Variants in ICMT observed in about 807,000 individuals in gnomAD.
ICMT encodes protein-S-isoprenylcysteine O-methyltransferase.
In ICMT, 10 loss-of-function variants were observed where a neutral mutation model predicts 32.2. That is an observed-to-expected ratio of 0.31 (90% CI 0.19 to 0.53). The LOEUF is 0.53. Among genes scored for constraint, ICMT ranks in the 20% least tolerant of loss-of-function variants. ICMT has a pLI of 0.96. For missense variants in ICMT, 265 were observed against 356.9 expected (o/e 0.74, Z 2.07); for synonymous variants, 183 against 158.2 (o/e 1.16, Z -1.18).
chr1:6,222,462 C>G lies in ICMT; in HGVS notation c.*2618G>C, dbSNP rs1668571172. 6.6e-6 allele frequency: 1 copy of G among 152,174 alleles called. No homozygotes were observed. The highest frequency in any genetic ancestry group is 2.1e-4 in the South Asian group (1 of 4,826). The allele number at this position is 152,174 out of a possible 1,614,324, so 9.4% of individuals were successfully genotyped here. ...AAAAAAATGGAGTTCATCTTTTATC[C>G]CTAAGTAATTGCTGACTTCTGCTCT... On this transcript the variant is annotated 3_prime_UTR_variant, in exon 5 of 5. Transcript: ENST00000343813.
intron 4 of ICMT, among the ~76,000 whole-genome samples, chr1:6,230,609 G>A (rs1668719206): frequency 8.6e-6 from 1 of 115,762 alleles, no homozygotes; most frequent in Non-Finnish European, 1.9e-5. Context: ...AAAAAAAAAA[G>A]CTGGGCACGG....
Position 6,225,000 on chromosome 1 carries a change from G to A in ICMT, c.*80C>T. The A allele has an allele frequency of 1.7e-6, 2 of 1,200,552 alleles. No homozygotes were observed. The highest frequency in any genetic ancestry group is 2.4e-6 in the Non-Finnish European group (2 of 843,728). The allele number at this position is 1,200,552 out of a possible 1,614,324, so 74.4% of individuals were successfully genotyped here. Reference sequence around the variant, plus strand: ...ACATAAAACGATTAAGAAAATCCATGTGGCAGCGGCCAACCGGAAACAGTT... The same window carrying A: ...ACATAAAACGATTAAGAAAATCCATATGGCAGCGGCCAACCGGAAACAGTT... On this transcript the variant is annotated 3_prime_UTR_variant, in exon 5 of 5. Transcript: ENST00000343813.
chr1:6,234,360 A>G (rs1668783160), intron 2 of ICMT: 1 of 414,318 alleles, frequency 2.4e-6, no homozygotes, highest in East Asian at 7.1e-5. Context: ...GCAAAGAAGG[A>G]TTAGATGGCT....
rs1401057633 is a variant in ICMT at position 6,234,992 on chromosome 1, G to A, written c.196-18C>T. 28 of 1,605,244 alleles carry A rather than the reference G, an allele frequency of 1.7e-5. 1 individual carries two copies. The highest frequency in any genetic ancestry group is 2.2e-5 in the South Asian group (2 of 90,918). On this transcript the variant is annotated intron_variant, in intron 1 of 4. Coordinates refer to ENST00000343813, the MANE Select transcript of ICMT (RefSeq NM_012405.4). ...ATGGCTATCTGAAAGGAACCCAAGA[G>A]AAGCTCAGTCATTCACAGTCCTCAG... is the stretch of plus-strand genomic sequence containing the variant.
chr1:6,229,266 G>T (rs574938894), intron 4 of ICMT, among the ~76,000 whole-genome samples: 7 of 152,144 alleles, frequency 4.6e-5, no homozygotes, highest in Non-Finnish European at 1.0e-4. Context: ...ATCACCTGAG[G>T]TTGGGAGTTC....
At chr1:6,227,690 C>T (rs1668665650) in intron 4 of ICMT, among the ~76,000 whole-genome samples, 1 of 152,100 alleles carries the variant, frequency 6.6e-6, no homozygotes, top group South Asian at 2.1e-4. Context: ...CCCGTCTCTA[C>T]TAAAAATACA....
intron 1 of ICMT, among the ~76,000 whole-genome samples, chr1:6,235,383 C>G (rs1668805968): frequency 6.6e-6 from 1 of 152,204 alleles, no homozygotes. Flanking sequence ...GCCTGTGCGC[C>G]CAGCCCCACC....
chr1:6,221,195 G>A lies in ICMT; in HGVS notation c.*3885C>T, dbSNP rs1365119982. On this transcript the variant is annotated 3_prime_UTR_variant, in exon 5 of 5. Transcript: ENST00000343813. The stretch of plus-strand genomic sequence containing the variant: ...CATCCCAGACAATCACACTGTGGTT[G>A]AGTGAAATCAAGTGCAGTTTTATTT... The A allele has an allele frequency of 6.6e-6, 1 of 152,602 alleles. No homozygotes were observed. Among genetic ancestry groups the A allele is most frequent in the Non-Finnish European group, 1.5e-5 (1 of 68,058 alleles). 9.5% of individuals were successfully genotyped at this position (152,602 alleles called of 1,614,324 possible).
intron 4 of ICMT, among the ~76,000 whole-genome samples, chr1:6,231,176 A>T (rs1668730214): frequency 6.6e-6 from 1 of 151,714 alleles, no homozygotes; most frequent in Non-Finnish European, 1.5e-5. Flanking sequence ...GTCTCAAAAA[A>T]AAAAAAGAAA....
chr1:6,227,278 A>G (rs1337399461), intron 4 of ICMT, among the ~76,000 whole-genome samples: 3 of 152,256 alleles, frequency 2.0e-5, no homozygotes, highest in African/African-American at 7.2e-5. Flanking sequence ...TTATTCAGTC[A>G]TAACTAATTT....
In ICMT at chr1:6,226,286, C is replaced by T. The variant is rs1571223365; in HGVS notation, c.673-1024G>A. Among the ~76,000 whole-genome samples, 8 of 152,232 alleles carry T rather than the reference C, an allele frequency of 5.3e-5. No individual in the cohort carries two copies. In the South Asian group the frequency reaches 1.7e-3, roughly 32 times the overall value. ...TGGTGGGAGCCTGTAATCCCAGCTA[C>T]TTGGGAGGCTGAGGCAGGAGAATTG... On this transcript the variant is annotated intron_variant, in intron 4 of 4. Transcript: ENST00000343813.
Position 6,223,903 on chromosome 1 carries a change from G to A in ICMT, c.*1177C>T, listed in dbSNP as rs181823438. Reference sequence around the variant, plus strand: ...CTGTCTAGTCCAGAATGAAGCCAGCGTCTCACCTCTTAAAGCTTCGATGTG... The same window carrying A: ...CTGTCTAGTCCAGAATGAAGCCAGCATCTCACCTCTTAAAGCTTCGATGTG... On this transcript the variant is annotated 3_prime_UTR_variant, in exon 5 of 5. Coordinates refer to ENST00000343813, the MANE Select transcript of ICMT (RefSeq NM_012405.4). 8 of 152,342 alleles carry A rather than the reference G, an allele frequency of 5.3e-5. No homozygotes were observed. Among genetic ancestry groups the A allele is most frequent in the South Asian group, 2.1e-4 (1 of 4,826 alleles). 9.4% of individuals were successfully genotyped at this position (152,342 alleles called of 1,614,324 possible). A position where few individuals can be genotyped will look rare whatever the true frequency, so the allele number is the denominator to read the frequency against.
In ICMT at chr1:6,223,173, T is replaced by A. The variant is rs1412946273; in HGVS notation, c.*1907A>T. 1 of 152,160 alleles carries A rather than the reference T, an allele frequency of 6.6e-6. No individual in the cohort carries two copies. Among genetic ancestry groups the A allele is most frequent in the Non-Finnish European group, 1.5e-5 (1 of 68,064 alleles). 9.4% of individuals were successfully genotyped at this position (152,160 alleles called of 1,614,324 possible). ...CCCAGACTGAAGTGCAAAGGCCCGA[T>A]CTCAACTCACTGCAACCTCCGCCTC... On this transcript the variant is annotated 3_prime_UTR_variant, in exon 5 of 5. Transcript: ENST00000343813.
At position 6,225,148 on chromosome 1, in the gene ICMT, A is replaced by G; in HGVS notation, c.787T>C (p.Tyr263His). 1 of 1,613,866 alleles carries G rather than the reference A, an allele frequency of 6.2e-7. No individual in the cohort carries two copies. Among genetic ancestry groups the G allele is most frequent in the Non-Finnish European group, 8.5e-7 (1 of 1,179,944 alleles). Residue 263 changes from tyrosine (Y) to histidine (H), a missense_variant, in exon 5 of 5, where the codon TAC becomes CAC. By Grantham distance (83) the Tyr-to-His change is moderately conservative. Coordinates refer to ENST00000343813, the MANE Select transcript of ICMT (RefSeq NM_012405.4). ...ISLIHFFGEE[Y>H]LEYKKRVPTG... is the part of the protein sequence containing the mutation. ...GGCACCCTCTTCTTATACTCCAGGT[A>G]CTCCTCTCCAAAAAAGTGAATTAGT... is the stretch of plus-strand genomic sequence containing the variant.
rs755176396 is a variant in ICMT at position 6,234,847 on chromosome 1, C to T, written c.284+39G>A. 1.9e-5 allele frequency: 27 copies of T among 1,443,954 alleles called. No individual in the cohort carries two copies. In the Admixed American group the frequency reaches 4.2e-4, roughly 22 times the overall value. 89.4% of individuals were successfully genotyped at this position (1,443,954 alleles called of 1,614,324 possible). A position where few individuals can be genotyped will look rare whatever the true frequency, so the allele number is the denominator to read the frequency against. Reference sequence around the variant, plus strand: ...CGCTACAGACCCTCTGATCTGTCCACCCTCGCCTGAAAACCAGTATTTCCG... The same window carrying T: ...CGCTACAGACCCTCTGATCTGTCCATCCTCGCCTGAAAACCAGTATTTCCG... On this transcript the variant is annotated intron_variant, in intron 2 of 4. Coordinates refer to ENST00000343813, the MANE Select transcript of ICMT (RefSeq NM_012405.4).
rs1557598978 is a variant in ICMT at position 6,222,483 on chromosome 1, G to C, written c.*2597C>G. 6.6e-6 allele frequency: 1 copy of C among 152,188 alleles called. No individual in the cohort carries two copies. The highest frequency in any genetic ancestry group is 2.4e-5 in the African/African-American group (1 of 41,428). 9.4% of individuals were successfully genotyped at this position (152,188 alleles called of 1,614,324 possible). On this transcript the variant is annotated 3_prime_UTR_variant, in exon 5 of 5. Coordinates refer to ENST00000343813, the MANE Select transcript of ICMT (RefSeq NM_012405.4). ...TATCCCTAAGTAATTGCTGACTTCT[G>C]CTCTGGGATTATAAACAGGGTGGGA...
intron 4 of ICMT, among the ~76,000 whole-genome samples, chr1:6,227,582 G>A (rs1017587281): frequency 2.0e-5 from 3 of 152,208 alleles, no homozygotes; most frequent in Non-Finnish European, 4.4e-5. Context: ...GCGGCCAGGC[G>A]CGATGGCTCA....
At chr1:6,232,148 G>T in intron 3 of ICMT, 29 bp from the exon 4 acceptor site, 3 of 1,567,250 alleles carry the variant, frequency 1.9e-6, no homozygotes, top group East Asian at 2.3e-5. Context: ...AACGACACAC[G>T]GGGAGTGAAA....
intron 3 of ICMT, 80 bp from the exon 4 acceptor site, chr1:6,232,199 C>T: frequency 1.0e-6 from 1 of 1,000,250 alleles, no homozygotes; most frequent in Admixed American, 2.6e-5. Context: ...TAAAATTAAC[C>T]TATTTTCCCG....
Sources: allele counts gnomAD v4.1 joint callset (sites outside exome capture counted in the v4.1 genomes callset), GRCh38; gene constraint gnomAD v4.1.1; transcripts MANE v1.5; gene names NCBI Gene and HGNC (gene_info 2026-07-23, HGNC 2026-07-21).